The following OR4E2 variants were observed in gnomAD, a reference collection of about 807,000 sequenced individuals.
OR4E2 encodes olfactory receptor 4E2.
OR4E2 carries 9 observed loss-of-function variants against 11.0 expected under a neutral mutation model. The observed-to-expected ratio is 0.82, with a 90% CI of 0.49 to 1.43. The LOEUF is 1.43. OR4E2 is among the 40% of genes most tolerant of loss of function. OR4E2 has a pLI of 0.00. For missense variants in OR4E2, 441 were observed against 382.0 expected, an observed-to-expected ratio of 1.15 and a Z score of -1.29; for synonymous variants, 159 against 147.3, an observed-to-expected ratio of 1.08 and a Z score of -0.57.
In OR4E2 at chr14:21,665,542, G is replaced by C. The variant is rs1250869582; in HGVS notation, c.460G>C (p.Val154Leu). 1 of 1,614,120 alleles carries C rather than the reference G, an allele frequency of 6.2e-7. No individual in the cohort carries two copies. Among genetic ancestry groups the C allele is most frequent in the East Asian group, 2.2e-5 (1 of 44,882 alleles). Residue 154 changes from valine to leucine, a missense_variant, in exon 4 of 4, where the codon GTT becomes CTT. By Grantham distance (32) the Val-to-Leu change is conservative. Coordinates refer to ENST00000641524, the MANE Select transcript of OR4E2 (RefSeq NM_001001912.3). Reference sequence around the variant, plus strand: ...CTTTGCTCTCTGGTTGGGGGGTACTGTTCACTCACTAGGGCAGACCTTCTT... The same window carrying C: ...CTTTGCTCTCTGGTTGGGGGGTACTCTTCACTCACTAGGGCAGACCTTCTT... ...LVFALWLGGT[V>L]HSLGQTFLTI...
chr14:21,659,268 C>G (rs1226800457), intron 2 of OR4E2, among the ~76,000 whole-genome samples: 1 of 152,146 alleles, frequency 6.6e-6, no homozygotes, highest in Admixed American at 6.5e-5. Flanking sequence ...CTCCTGGCCT[C>G]AAGCAATCCT....
At chr14:21,654,370 A>T (rs765275433) in intron 1 of OR4E2, among the ~76,000 whole-genome samples, 1 of 151,444 alleles carries the variant, frequency 6.6e-6, no homozygotes, top group Non-Finnish European at 1.5e-5. Context: ...ATGCACGCAC[A>T]CACACACACG....
At chr14:21,665,021 G>C (rs1044049544) in intron 3 of OR4E2, 54 bp from the exon 4 acceptor site, 2 of 902,418 alleles carry the variant, frequency 2.2e-6, no homozygotes, top group Non-Finnish European at 3.4e-6. Context: ...ATTTCAATTA[G>C]TTCTATTCCT....
At chr14:21,656,371 C>CATGT (rs1198922821) in intron 1 of OR4E2, 131 bp from the exon 2 acceptor site, 4 of 143,388 alleles carry the variant, frequency 2.8e-5, no homozygotes, top group Non-Finnish European at 6.3e-5. Flanking sequence ...CTCTCACTCA[C>CATGT]ACACATGTAC....
chr14:21,656,981 A>G (rs1300905322), intron 2 of OR4E2, among the ~76,000 whole-genome samples: 1 of 152,234 alleles, frequency 6.6e-6, no homozygotes, highest in Non-Finnish European at 1.5e-5. Flanking sequence ...TAAGGGATCA[A>G]GACCATCACT....
At chr14:21,656,952 T>G (rs1487050504) in intron 2 of OR4E2, among the ~76,000 whole-genome samples, 3 of 152,154 alleles carry the variant, frequency 2.0e-5, no homozygotes, top group African/African-American at 7.2e-5. Flanking sequence ...ACTCCGTAGG[T>G]TATGGAGTCT....
chr14:21,665,251 AC>A lies in OR4E2; in HGVS notation c.174del (p.Met59CysfsTer5), dbSNP rs1880571019. ...IATVFTPSLH[T>X]PMYFFLSNLS... ...CACAGTCTTTACTCCAAGTCTCCATACCCCCATGTATTTCTTCCTGAGCAAT... is the reference window on the plus strand; with the variant it reads ...CACAGTCTTTACTCCAAGTCTCCATACCCCATGTATTTCTTCCTGAGCAAT... On this transcript the variant is annotated frameshift_variant, in exon 4 of 4. Transcript: ENST00000641524. LOFTEE classifies it high-confidence loss of function. The A allele has an allele frequency of 9.9e-6, 16 of 1,613,742 alleles. No individual in the cohort carries two copies. In the Middle Eastern group the frequency reaches 2.3e-3, roughly 233 times the overall value.
At position 21,666,133 on chromosome 14, in the gene OR4E2, G is replaced by C. The variant is rs755668990; in HGVS notation, c.*109G>C. 7.0e-6 allele frequency: 5 copies of C among 713,108 alleles called. No homozygotes were observed. Among genetic ancestry groups the C allele is most frequent in the Non-Finnish European group, 1.2e-5 (5 of 424,794 alleles). 44.2% of individuals were successfully genotyped at this position (713,108 alleles called of 1,614,324 possible). A position where few individuals can be genotyped will look rare whatever the true frequency, so the allele number is the denominator to read the frequency against. On this transcript the variant is annotated 3_prime_UTR_variant, in exon 4 of 4. Coordinates refer to ENST00000641524, the MANE Select transcript of OR4E2 (RefSeq NM_001001912.3). ...TTGGTAAATTAGGTAAAATGGCATA[G>C]AGCAGGTCAGATTTCTGCTCATTAA...
intron 3 of OR4E2, among the ~76,000 whole-genome samples, chr14:21,663,308 T>G (rs929818098): frequency 2.0e-5 from 3 of 151,932 alleles, no homozygotes; most frequent in African/African-American, 7.3e-5. Flanking sequence ...TGAAACCCCG[T>G]CTCTACTAAA....
At position 21,666,680 on chromosome 14, in the gene OR4E2, A is replaced by G. The variant is rs972268066; in HGVS notation, c.*656A>G. The G allele has an allele frequency of 3.3e-5, 5 of 151,370 alleles. No individual in the cohort carries two copies. The highest frequency in any genetic ancestry group is 1.2e-4 in the African/African-American group (5 of 41,052). 9.4% of individuals were successfully genotyped at this position (151,370 alleles called of 1,614,324 possible). The stretch of plus-strand genomic sequence containing the variant: ...ACCCACAAGAATAGTAAAAATTAAA[A>G]AGGTAGAAAATACCAAGTGGTTTTT... On this transcript the variant is annotated 3_prime_UTR_variant, in exon 4 of 4. Transcript: ENST00000641524.
intron 1 of OR4E2, among the ~76,000 whole-genome samples, chr14:21,655,398 C>T (rs1296198730): frequency 6.6e-6 from 1 of 152,192 alleles, no homozygotes; most frequent in Non-Finnish European, 1.5e-5. Flanking sequence ...GGCCCCATGG[C>T]TCCAGCCTAT....
At chr14:21,660,933 T>C (rs1015896730) in intron 3 of OR4E2, among the ~76,000 whole-genome samples, 187 bp downstream of exon 3, 1 of 152,198 alleles carries the variant, frequency 6.6e-6, no homozygotes, top group African/African-American at 2.4e-5. Context: ...TATACACTTA[T>C]GATATAATAC....
chr14:21,657,748 G>A (rs374889010), intron 2 of OR4E2, among the ~76,000 whole-genome samples: 4 of 151,714 alleles, frequency 2.6e-5, no homozygotes, highest in African/African-American at 7.3e-5. Context: ...GCGCCACCAC[G>A]CCCAGCTAAT....
In OR4E2 at chr14:21,665,787, A is replaced by T; in HGVS notation, c.705A>T (p.Lys235Asn). 3 of 1,613,902 alleles carry T rather than the reference A, an allele frequency of 1.9e-6. No individual in the cohort carries two copies. The highest frequency in any genetic ancestry group is 2.5e-6 in the Non-Finnish European group (3 of 1,179,916). Residue 235 changes from lysine to asparagine, a missense_variant, in exon 4 of 4, where the codon AAA becomes AAT. Transcript: ENST00000641524. ...LRKHSAEGRR[K>N]ALSTCSAHFM... ...AACACTCAGCTGAAGGGCGCCGGAA[A>T]GCCCTGTCTACCTGCTCGGCCCACT... is the stretch of plus-strand genomic sequence containing the variant.
At chr14:21,658,357 T>C (rs899994478) in intron 2 of OR4E2, among the ~76,000 whole-genome samples, 8 of 152,224 alleles carry the variant, frequency 5.3e-5, no homozygotes, top group African/African-American at 1.9e-4. Flanking sequence ...AGTTCTCTTA[T>C]ATCAGATCCA....
At chr14:21,664,121 A>G (rs1375777730) in intron 3 of OR4E2, among the ~76,000 whole-genome samples, 1 of 152,204 alleles carries the variant, frequency 6.6e-6, no homozygotes, top group Non-Finnish European at 1.5e-5. Context: ...TATACCCAGT[A>G]ATGGGATTGC....
At chr14:21,664,291 A>G (rs935375930) in intron 3 of OR4E2, among the ~76,000 whole-genome samples, 7 of 152,114 alleles carry the variant, frequency 4.6e-5, no homozygotes, top group African/African-American at 1.4e-4. Context: ...TGGCTTTTTC[A>G]TAATAGCCAA....
At chr14:21,663,655 G>A (rs1378072191) in intron 3 of OR4E2, among the ~76,000 whole-genome samples, 1 of 152,120 alleles carries the variant, frequency 6.6e-6, no homozygotes, top group African/African-American at 2.4e-5. Flanking sequence ...ACAAAGTGAA[G>A]GATGAATAGT....
At chr14:21,659,759 G>T (rs996438409) in intron 2 of OR4E2, among the ~76,000 whole-genome samples, 3 of 152,096 alleles carry the variant, frequency 2.0e-5, no homozygotes, top group Admixed American at 2.0e-4. Context: ...TACTTTCCTA[G>T]ATAATTTGGA....
Sources: gnomAD v4.1 joint callset for allele counts (sites outside exome capture counted in the v4.1 genomes callset) on GRCh38, gnomAD v4.1.1 for gene constraint, MANE v1.5 for transcripts, NCBI Gene and HGNC (gene_info 2026-07-23, HGNC 2026-07-21) for gene names.